HOXA3: variants seen among roughly 807,000 people sequenced by gnomAD.
HOXA3 encodes homeobox protein Hox-A3.
Under a neutral mutation model 30.3 loss-of-function variants are expected in HOXA3, and 8 were observed. The ratio of observed to expected loss-of-function variants is 0.26; its 90% CI spans 0.15 to 0.48. The LOEUF (loss-of-function observed/expected upper bound fraction) is 0.48. Ranked by LOEUF, HOXA3 falls within the 20% of genes least tolerant of loss-of-function variation. The pLI is 0.99. For synonymous variants in HOXA3, 323 were observed against 273.1 expected, an observed-to-expected ratio of 1.18 and a Z score of -1.80; for missense variants, 653 against 614.4, an observed-to-expected ratio of 1.06 and a Z score of -0.66.
rs200014123 is a variant in HOXA3, at chr7:27,130,175, G to C, written c.-389-3105C>G. On this transcript the variant is annotated intron_variant, in intron 2 of 5. Coordinates refer to ENST00000612286, the MANE Select transcript of HOXA3 (RefSeq NM_153631.3). ...TACACCACGGGCTCCTTGCCCTTCA[G>C]GCCCAGCGGGCTCTTGTCGGCCAAG... 1.4e-3 allele frequency: 2,208 copies of C among 1,593,846 alleles called. 7 individuals carry two copies. The highest frequency in any genetic ancestry group is 4.0e-3 in the South Asian group (356 of 89,766).
chr7:27,138,148 G>A (rs138539650), intron 2 of HOXA3, among the ~76,000 whole-genome samples: 1 of 152,248 alleles, frequency 6.6e-6, no homozygotes, highest in Non-Finnish European at 1.5e-5. Flanking sequence ...TTATATCCTT[G>A]TTCCCACTAA....
intron 3 of HOXA3, 101 bp from the exon 4 acceptor site, chr7:27,122,743 C>G (rs2128050265): frequency 6.6e-6 from 1 of 152,302 alleles, no homozygotes; most frequent in East Asian, 1.9e-4. Flanking sequence ...CAAGGTGGCC[C>G]TGGGGGTGAC....
chr7:27,137,415 G>A (rs978126409), intron 2 of HOXA3, among the ~76,000 whole-genome samples: 9 of 152,306 alleles, frequency 5.9e-5, no homozygotes, highest in African/African-American at 7.2e-5. Context: ...GCACATTGCC[G>A]CTGAGGAGGA....
chr7:27,108,612 A>C lies in HOXA3; in HGVS notation c.635T>G (p.Phe212Cys). 2 of 1,614,136 alleles carry C rather than the reference A, an allele frequency of 1.2e-6. No homozygotes were observed. The highest frequency in any genetic ancestry group is 1.7e-6 in the Non-Finnish European group (2 of 1,179,974). The change falls in exon 6 of 6, where the codon TTC (phenylalanine) becomes TGC (cysteine). Residue 212 changes from phenylalanine to cysteine, a missense_variant. Around this residue, in one of 3 missense-constraint regions of HOXA3, gnomAD observed 320 missense variants for 321.9 expected, o/e 0.99. Coordinates refer to ENST00000612286, the MANE Select transcript of HOXA3 (RefSeq NM_153631.3). This position sits in a 1 kb window ranked among gnomAD's most constrained non-coding sequence, Gnocchi z 5.0. Reference sequence around the variant, plus strand: ...GCGCGGCCGGCACAGGTAGCGGTTGAAGTGGAACTCTTTCTCCAGCTCCAC... The same window carrying C: ...GCGCGGCCGGCACAGGTAGCGGTTGCAGTGGAACTCTTTCTCCAGCTCCAC... ...QLVELEKEFH[F>C]NRYLCRPRRV...
chr7:27,147,626 A>G, intron 1 of HOXA3: 1 of 1,614,246 alleles, frequency 6.2e-7, no homozygotes, highest in Non-Finnish European at 8.5e-7. Context: ...GACGCCCCGT[A>G]CGAGGCCGGG....
At chr7:27,127,425 G>A (rs1054130368) in intron 2 of HOXA3, among the ~76,000 whole-genome samples, 2 of 152,218 alleles carry the variant, frequency 1.3e-5, no homozygotes, top group Non-Finnish European at 2.9e-5. Context: ...AGGGGTGAAA[G>A]GGGTACCAGC....
intron 2 of HOXA3, among the ~76,000 whole-genome samples, chr7:27,135,469 T>A (rs1562725129): frequency 6.6e-6 from 1 of 152,198 alleles, no homozygotes; most frequent in Non-Finnish European, 1.5e-5. Flanking sequence ...GAATTCTGTG[T>A]CTTTCAGGAG....
chr7:27,117,277 G>A (rs77766774), intron 4 of HOXA3, among the ~76,000 whole-genome samples: 1,996 of 152,298 alleles, frequency 0.013, 42 homozygotes, highest in East Asian at 0.055. Context: ...CCAACCCAGG[G>A]CCCACTGGCC....
At chr7:27,131,153 C>A (rs1170143881) in intron 2 of HOXA3, among the ~76,000 whole-genome samples, 1 of 152,182 alleles carries the variant, frequency 6.6e-6, no homozygotes, top group African/African-American at 2.4e-5. Flanking sequence ...CCTCTGCCTG[C>A]CCTACTGCTG....
chr7:27,136,924 G>A (rs1196672037), intron 2 of HOXA3, among the ~76,000 whole-genome samples: 1 of 152,012 alleles, frequency 6.6e-6, no homozygotes, highest in Non-Finnish European at 1.5e-5. Flanking sequence ...CCCTGCCTGG[G>A]AGCCCCGTTT....
At chr7:27,114,403 G>C (rs1784559277) in intron 4 of HOXA3, among the ~76,000 whole-genome samples, 1 of 151,652 alleles carries the variant, frequency 6.6e-6, no homozygotes, top group Admixed American at 6.6e-5. Flanking sequence ...CCCAGACTTT[G>C]CCCAGTTTAC....
intron 2 of HOXA3, among the ~76,000 whole-genome samples, chr7:27,131,731 C>A (rs1040056444): frequency 6.6e-6 from 1 of 152,172 alleles, no homozygotes; most frequent in African/African-American, 2.4e-5. Context: ...TCAGAACTAT[C>A]CCCAAACAAA....
Position 27,148,073 on chromosome 7 carries a change from G to T in HOXA3, c.-494+4215C>A, listed in dbSNP as rs898760956. 7.9e-4 allele frequency among the ~76,000 whole-genome samples: 120 copies of T among 152,368 alleles called. 7 individuals carry two copies. The highest frequency in any genetic ancestry group is 6.5e-5 in the Admixed American group (1 of 15,312). On this transcript the variant is annotated intron_variant, in intron 1 of 5. Coordinates refer to ENST00000612286, the MANE Select transcript of HOXA3 (RefSeq NM_153631.3). ...CGGCGGGCACGGCCCTTTCAGTGGC[G>T]AGCAGATCAGGCCAGAGTAGGGACA...
rs1160971095 is a variant in HOXA3 at position 27,130,119 on chromosome 7, G to A, written c.-389-3049C>T. On this transcript the variant is annotated intron_variant, in intron 2 of 5. Transcript: ENST00000612286. ...CGCCTCCCAAGCGGCGCCACGTACC[G>A]GCGCTGACATGGATCTTCTTCATCC... 5.6e-6 allele frequency: 9 copies of A among 1,598,604 alleles called. No homozygotes were observed. In the African/African-American group the frequency reaches 6.7e-5, roughly 12 times the overall value.
rs1012286766 is a variant in HOXA3 at position 27,107,113 on chromosome 7, T to A, written c.*802A>T. Reference sequence around the variant, plus strand: ...CTAGTATTTTTCGCGTTTACAGATTTTTTTTTTCAGTTTTGCCGGATGTTA... The same window carrying A: ...CTAGTATTTTTCGCGTTTACAGATTATTTTTTTCAGTTTTGCCGGATGTTA... On this transcript the variant is annotated 3_prime_UTR_variant, in exon 6 of 6. Transcript: ENST00000612286. 6.6e-6 allele frequency: 1 copy of A among 152,634 alleles called. No individual in the cohort carries two copies. Among genetic ancestry groups the A allele is most frequent in the Non-Finnish European group, 1.5e-5 (1 of 68,048 alleles). 9.5% of individuals were successfully genotyped at this position (152,634 alleles called of 1,614,324 possible).
chr7:27,145,901 G>C (rs17500863), intron 1 of HOXA3: 5 of 1,612,546 alleles, frequency 3.1e-6, no homozygotes, highest in Non-Finnish European at 4.2e-6. Context: ...GGCGCCCATG[G>C]CTCCCATACA....
In HOXA3 at chr7:27,110,405, G is replaced by A; in HGVS notation, c.236C>T (p.Pro79Leu). 1 of 1,537,472 alleles carries A rather than the reference G, an allele frequency of 6.5e-7. No individual in the cohort carries two copies. The highest frequency in any genetic ancestry group is 1.2e-5 in the South Asian group (1 of 82,442). The change falls in exon 5 of 6, where the codon CCT (proline) becomes CTT (leucine). Residue 79 changes from proline (P) to leucine (L), a missense_variant. Coordinates refer to ENST00000612286, the MANE Select transcript of HOXA3 (RefSeq NM_153631.3). ...CTCTCCCAGGCTTGGAGGCTGGCTA[G>A]GTGGGGCGCTCAGGGTGCGCAGGCA... Reference protein sequence around the residue: ...EACLRTLSAPPSQPPSLGEPP... With the variant: ...EACLRTLSAPLSQPPSLGEPP...
intron 2 of HOXA3, chr7:27,129,120 G>T (rs1785402127): frequency 2.6e-6 from 2 of 781,296 alleles, no homozygotes; most frequent in Non-Finnish European, 4.6e-6. Context: ...GGTTTGTTTT[G>T]GTGTCTATTA....
rs766472394 is a variant in HOXA3 at position 27,124,282 on chromosome 7, C to T, written c.-204-1640G>A. Reference sequence around the variant, plus strand: ...GCCCGGCGCGGGTGATTTATGAACGCCGGGAAAATTGAACAAAGCCGCGCG... The same window carrying T: ...GCCCGGCGCGGGTGATTTATGAACGTCGGGAAAATTGAACAAAGCCGCGCG... On this transcript the variant is annotated intron_variant, in intron 3 of 5. Coordinates refer to ENST00000612286, the MANE Select transcript of HOXA3 (RefSeq NM_153631.3). 6.6e-5 allele frequency: 10 copies of T among 152,202 alleles called. 1 individual carries two copies. Among genetic ancestry groups the T allele is most frequent in the Non-Finnish European group, 1.0e-4 (7 of 68,038 alleles). 9.4% of individuals were successfully genotyped at this position (152,202 alleles called of 1,614,324 possible).
Sources: allele counts gnomAD v4.1 joint callset (sites outside exome capture counted in the v4.1 genomes callset), GRCh38; gene constraint gnomAD v4.1.1; regional missense constraint gnomAD v4.1.1; non-coding constraint Gnocchi (gnomAD v3.1); transcripts MANE v1.5; gene names NCBI Gene and HGNC (gene_info 2026-07-23, HGNC 2026-07-21).